The following ASPH variants were observed in gnomAD, a reference collection of about 807,000 sequenced individuals.
ASPH encodes aspartyl/asparaginyl beta-hydroxylase.
In ASPH, 100 loss-of-function variants were observed where a neutral mutation model predicts 118.4. The ratio of observed to expected loss-of-function variants is 0.84; its 90% CI spans 0.72 to 1.00. The LOEUF is 1.00. ASPH is among the 50% of genes least tolerant of loss of function. ASPH has a pLI of 0.00. For missense variants in ASPH, 920 were observed against 919.5 expected, an observed-to-expected ratio of 1.00 and a Z score of -0.01; for synonymous variants, 315 against 325.6, an observed-to-expected ratio of 0.97 and a Z score of 0.35.
chr8:61,660,650 AATTATGTGAGCCAATCCATG>A (rs1816422083), intron 3 of ASPH: 1 of 152,216 alleles, frequency 6.6e-6, no homozygotes, highest in Non-Finnish European at 1.5e-5. Flanking sequence ...TGGGCTTTAC[AATTATGTGAGCCAATCCATG>A]ATTTTTGTCC....
chr8:61,546,271 T>G (rs77753233), intron 21 of ASPH, among the ~76,000 whole-genome samples: 1 of 152,250 alleles, frequency 6.6e-6, no homozygotes, highest in Non-Finnish European at 1.5e-5. Context: ...CTTCCAGCTA[T>G]GTCAATCAGT....
At chr8:61,635,120 A>G (rs1040959924) in intron 12 of ASPH, among the ~76,000 whole-genome samples, 1 of 152,150 alleles carries the variant, frequency 6.6e-6, no homozygotes, top group Non-Finnish European at 1.5e-5. Context: ...GCTTTTGGTA[A>G]GATCACTCAC....
At position 61,641,043 on chromosome 8, in the gene ASPH, G is replaced by C. The variant is rs117540262; in HGVS notation, c.790+1845C>G. On this transcript the variant is annotated intron_variant, in intron 10 of 24. Transcript: ENST00000379454. ...GAATTTTCACAAAGGTATTGTTTTA[G>C]CATATAGTGAATAATACACTGTTCA... Among the ~76,000 whole-genome samples the C allele has an allele frequency of 5.1e-3, 775 of 152,214 alleles. 3 individuals are homozygous for C. Among genetic ancestry groups the C allele is most frequent in the Non-Finnish European group, 8.9e-3 (603 of 68,010 alleles).
At chr8:61,675,195 A>T in intron 3 of ASPH, 1 of 587,446 alleles carries the variant, frequency 1.7e-6, no homozygotes, top group Non-Finnish European at 2.1e-6. Flanking sequence ...AAATCACATT[A>T]CATCTAAGCC....
chr8:61,583,993 T>A lies in ASPH; in HGVS notation c.1013A>T (p.Asp338Val). 1 of 1,579,136 alleles carries A rather than the reference T, an allele frequency of 6.3e-7. No homozygotes were observed. Among genetic ancestry groups the A allele is most frequent in the Non-Finnish European group, 8.6e-7 (1 of 1,161,326 alleles). The change falls in exon 15 of 25, where the codon GAT (aspartate) becomes GTT (valine). Residue 338 changes from aspartate to valine, a missense_variant. By Grantham distance (152) the Asp-to-Val change is radical (BLOSUM62 -3). Transcript: ENST00000379454. ...ATCAAGTTCAGCTTTAATAGTCTTA[T>A]CAAATTTATTTAAAAGTTTAGGCTT... is the stretch of plus-strand genomic sequence containing the variant. ...KKKPKLLNKF[D>V]KTIKAELDAA...
intron 21 of ASPH, among the ~76,000 whole-genome samples, chr8:61,535,600 G>A (rs1261635417): frequency 6.6e-6 from 1 of 152,164 alleles, no homozygotes; most frequent in Non-Finnish European, 1.5e-5. Flanking sequence ...TATTAAATTG[G>A]AGTTAGAATG....
At chr8:61,624,702 A>T in intron 13 of ASPH, 2 of 985,710 alleles carry the variant, frequency 2.0e-6, no homozygotes, top group Non-Finnish European at 2.4e-6. Flanking sequence ...CAGCATAATG[A>T]ATCCTCAACG....
rs1274139106 is a variant in ASPH at position 61,503,342 on chromosome 8, G to A, written c.*17C>T. 1 of 1,595,784 alleles carries A rather than the reference G, an allele frequency of 6.3e-7. No homozygotes were observed. The highest frequency in any genetic ancestry group is 1.7e-5 in the Admixed American group (1 of 59,074). ...GCAGCCTCTCTCCAGAGTTTCCCAA[G>A]CTTGCATGAATTCATGCTAAATTGC... On this transcript the variant is annotated 3_prime_UTR_variant, in exon 25 of 25. Coordinates refer to ENST00000379454, the MANE Select transcript of ASPH (RefSeq NM_004318.4).
At chr8:61,526,546 G>C (rs1815413374) in intron 21 of ASPH, among the ~76,000 whole-genome samples, 1 of 152,122 alleles carries the variant, frequency 6.6e-6, no homozygotes, top group Admixed American at 6.6e-5. Context: ...TCACAAAGAT[G>C]CCATTAAAGA....
intron 3 of ASPH, chr8:61,656,061 T>C (rs1684016531): frequency 6.6e-6 from 1 of 152,196 alleles, no homozygotes; most frequent in Admixed American, 6.5e-5. Flanking sequence ...TTCTAAAATT[T>C]GAGGGAAAAA....
At chr8:61,602,215 G>T (rs775592803) in intron 14 of ASPH, among the ~76,000 whole-genome samples, 3 of 151,286 alleles carry the variant, frequency 2.0e-5, no homozygotes, top group Non-Finnish European at 2.9e-5. Context: ...TTATCAAAAT[G>T]TTAGCAAATC....
rs1017748309 is a variant in ASPH, at chr8:61,698,523, T to C, written c.104-14335A>G. 9.8e-5 allele frequency among the ~76,000 whole-genome samples: 15 copies of C among 152,370 alleles called. No individual in the cohort carries two copies. The East Asian group carries it at 2.7e-3, about 27-fold the overall frequency. ...CTGGAAGCTCCAGGAACCATCTTTT[T>C]AGTTTTTTATGGACACTTCATTACT... On this transcript the variant is annotated intron_variant, in intron 1 of 24. Transcript: ENST00000379454.
chr8:61,560,699 G>A (rs769290241), intron 18 of ASPH, among the ~76,000 whole-genome samples: 2 of 152,044 alleles, frequency 1.3e-5, no homozygotes, highest in East Asian at 1.9e-4. Context: ...GATATAAAAT[G>A]TATAAACAAC....
chr8:61,697,643 G>A (rs1446591005), intron 1 of ASPH, among the ~76,000 whole-genome samples: 1 of 152,164 alleles, frequency 6.6e-6, no homozygotes, highest in Non-Finnish European at 1.5e-5. Context: ...AGAACTCAGA[G>A]AAACACATTT....
chr8:61,653,540 C>G (rs771733492), intron 4 of ASPH, 28 bp downstream of exon 4: 1 of 1,607,812 alleles, frequency 6.2e-7, no homozygotes, highest in Non-Finnish European at 8.5e-7. Context: ...CACACCTGGG[C>G]GAGACTCGAG....
At position 61,702,280 on chromosome 8, in the gene ASPH, C is replaced by CTT. The variant is rs71257379; in HGVS notation, c.103+11987_103+11988dup. On this transcript the variant is annotated intron_variant, in intron 1 of 24. Coordinates refer to ENST00000379454, the MANE Select transcript of ASPH (RefSeq NM_004318.4). ...AATGAGTTTTACCAAATAGCTACTT[C>CTT]TTTTTTTTTTTTTTTTTTTTTTTTG... is the stretch of plus-strand genomic sequence containing the variant. Among the ~76,000 whole-genome samples the CTT allele has an allele frequency of 1.8e-3, 216 of 123,382 alleles. 1 individual carries two copies. Among genetic ancestry groups the CTT allele is most frequent in the South Asian group, 2.9e-3 (10 of 3,416 alleles). The allele number at this position is 123,382 out of a possible 152,430, so 80.9% of individuals were successfully genotyped here.
intron 1 of ASPH, among the ~76,000 whole-genome samples, chr8:61,713,646 T>C (rs571410602): frequency 1.3e-5 from 2 of 152,216 alleles, no homozygotes; most frequent in Non-Finnish European, 2.9e-5. Flanking sequence ...ATTTTTATTT[T>C]AAGTAAAAGT....
chr8:61,668,119 C>T, intron 3 of ASPH: 1 of 1,048,134 alleles, frequency 9.5e-7, no homozygotes, highest in Non-Finnish European at 1.4e-6. Flanking sequence ...CCAAGCAAGA[C>T]CCAAAAGCAA....
At chr8:61,680,768 TATTC>T (rs2151616011) in intron 3 of ASPH, 196 bp downstream of exon 3, 2 of 424,186 alleles carry the variant, frequency 4.7e-6, no homozygotes, top group East Asian at 7.6e-5. Flanking sequence ...GATATACACT[TATTC>T]ATTGATAAAA....
Sources: allele counts gnomAD v4.1 joint callset (sites outside exome capture counted in the v4.1 genomes callset), GRCh38; gene constraint gnomAD v4.1.1; transcripts MANE v1.5; gene names NCBI Gene and HGNC (gene_info 2026-07-23, HGNC 2026-07-21).